SV2B: variants seen among roughly 807,000 people sequenced by gnomAD.
SV2B encodes the protein synaptic vesicle glycoprotein 2B.
SV2B carries 41 observed loss-of-function variants against 73.9 expected under a neutral mutation model. That is an observed-to-expected ratio of 0.56 (90% CI 0.43 to 0.72). SV2B has a LOEUF of 0.72. SV2B is among the 30% of genes least tolerant of loss of function. The pLI is 0.00. For missense variants in SV2B, 764 were observed against 857.8 expected, an observed-to-expected ratio of 0.89 and a Z score of 1.37; for synonymous variants, 314 against 314.2, an observed-to-expected ratio of 1.00 and a Z score of 0.01.
In SV2B at chr15:91,128,500, C is replaced by T. The variant is rs140156741; in HGVS notation, c.-392+28137C>T. 1.2e-3 allele frequency among the ~76,000 whole-genome samples: 182 copies of T among 152,260 alleles called. No individual in the cohort carries two copies. Among genetic ancestry groups the T allele is most frequent in the Middle Eastern group, 6.8e-3 (2 of 294 alleles). On this transcript the variant is annotated intron_variant, in intron 1 of 12. Coordinates refer to ENST00000394232, the MANE Select transcript of SV2B (RefSeq NM_001323032.3). This position sits in a 1 kb window ranked among gnomAD's most constrained non-coding sequence, Gnocchi z 4.2. ...TATCCAAAAATGAAGGCCTCAGAAG[C>T]GAAAGTGTTTTTCTCCTCCCCGTCT... is the stretch of plus-strand genomic sequence containing the variant.
chr15:91,204,142 T>C (rs1043517002), intron 1 of SV2B, among the ~76,000 whole-genome samples: 2 of 152,200 alleles, frequency 1.3e-5, no homozygotes, highest in African/African-American at 4.8e-5. Context: ...CTGGCTCTGG[T>C]AGGGCGTGCG....
rs2046167152 is a variant in SV2B at position 91,220,152 on chromosome 15, G to T, written c.-391-5721G>T. The stretch of plus-strand genomic sequence containing the variant: ...TCAGAATGGAACTGCTGGGTTATTT[G>T]GTAAGTGTATGTTTGACATTTTAAG... On this transcript the variant is annotated intron_variant, in intron 1 of 12. Transcript: ENST00000394232. This position sits in a 1 kb window ranked among gnomAD's most constrained non-coding sequence, Gnocchi z 4.1. Among the ~76,000 whole-genome samples, 1 of 152,172 alleles carries T rather than the reference G, an allele frequency of 6.6e-6. No individual in the cohort carries two copies. The highest frequency in any genetic ancestry group is 2.4e-5 in the African/African-American group (1 of 41,446).
At chr15:91,194,287 C>T (rs2045159584) in intron 1 of SV2B, among the ~76,000 whole-genome samples, 1 of 152,018 alleles carries the variant, frequency 6.6e-6, no homozygotes, top group Admixed American at 6.5e-5. Context: ...TCGGCTCTGC[C>T]CTGTAAAGGT....
intron 1 of SV2B, among the ~76,000 whole-genome samples, chr15:91,179,610 G>T (rs892322887): frequency 1.4e-4 from 21 of 152,070 alleles, no homozygotes; most frequent in South Asian, 2.1e-4. Context: ...AGGATAGTTA[G>T]CTCTTCTTGT....
Position 91,275,103 on chromosome 15 carries a change from G to A in SV2B, c.1373+6498G>A, listed in dbSNP as rs147468174. On this transcript the variant is annotated intron_variant, in intron 9 of 12. Transcript: ENST00000394232. ...ACTGACTCTCTTTATTTTTAAATCCGTGTGTATAGAACATTTATACTTATT... is the reference window on the plus strand; with the variant it reads ...ACTGACTCTCTTTATTTTTAAATCCATGTGTATAGAACATTTATACTTATT... 6.5e-3 allele frequency among the ~76,000 whole-genome samples: 983 copies of A among 151,906 alleles called. 9 individuals are homozygous for A. Among genetic ancestry groups the A allele is most frequent in the African/African-American group, 0.021 (870 of 41,420 alleles).
rs1419911222 is a variant in SV2B, at chr15:91,245,486, T to C, written c.452-6333T>C. ...CAGCTGTCTCTGAGTGGTGGTATGA[T>C]GAATAGATTATTGCTTTACCTTTTA... is the stretch of plus-strand genomic sequence containing the variant. On this transcript the variant is annotated intron_variant, in intron 2 of 12. Transcript: ENST00000394232. This position sits in a 1 kb window ranked among gnomAD's most constrained non-coding sequence, Gnocchi z 4.2. Among the ~76,000 whole-genome samples, 1 of 152,226 alleles carries C rather than the reference T, an allele frequency of 6.6e-6. No homozygotes were observed. Among genetic ancestry groups the C allele is most frequent in the African/African-American group, 2.4e-5 (1 of 41,468 alleles).
At position 91,209,107 on chromosome 15, in the gene SV2B, G is replaced by GTTTTTTTTTTTTTTTTTTTTTTT. The variant is rs1362781398; in HGVS notation, c.-391-16760_-391-16759insTTTTTTTTTTTTTTTTTTTTTTT. Among the ~76,000 whole-genome samples, 4 of 121,952 alleles carry GTTTTTTTTTTTTTTTTTTTTTTT rather than the reference G, an allele frequency of 3.3e-5. 1 individual carries two copies. Among genetic ancestry groups the GTTTTTTTTTTTTTTTTTTTTTTT allele is most frequent in the African/African-American group, 1.5e-4 (4 of 27,306 alleles). The allele number at this position is 121,952 out of a possible 152,430, so 80.0% of individuals were successfully genotyped here. ...TACAATGAGTGACTGTGGCAGTACT[G>GTTTTTTTTTTTTTTTTTTTTTTT]TTTTTTGTTTTTTTTTTTTTTTTTT... On this transcript the variant is annotated intron_variant, in intron 1 of 12. Coordinates refer to ENST00000394232, the MANE Select transcript of SV2B (RefSeq NM_001323032.3).
At chr15:91,235,904 G>A (rs3784774) in intron 2 of SV2B, among the ~76,000 whole-genome samples, 5 of 152,012 alleles carry the variant, frequency 3.3e-5, no homozygotes, top group Admixed American at 6.6e-5. Flanking sequence ...GAGATAGAGA[G>A]GGGGAGAGAG....
rs2042543783 is a variant in SV2B at position 91,128,269 on chromosome 15, A to T, written c.-392+27906A>T. 6.6e-6 allele frequency among the ~76,000 whole-genome samples: 1 copy of T among 152,116 alleles called. No individual in the cohort carries two copies. Among genetic ancestry groups the T allele is most frequent in the Non-Finnish European group, 1.5e-5 (1 of 68,014 alleles). The stretch of plus-strand genomic sequence containing the variant: ...AGAGGCTGTTCTCCAAGAAGGTGGG[A>T]TGGGAGAGCAGGAGGAGGTGTCAGA... On this transcript the variant is annotated intron_variant, in intron 1 of 12. Transcript: ENST00000394232. The surrounding 1 kb of genome is among the most constrained non-coding windows in gnomAD (Gnocchi z 4.2).
chr15:91,240,384 TG>T lies in SV2B; in HGVS notation c.452-11433del, dbSNP rs1352176369. On this transcript the variant is annotated intron_variant, in intron 2 of 12. Transcript: ENST00000394232. The surrounding 1 kb of genome is among the most constrained non-coding windows in gnomAD (Gnocchi z 4.6). Reference sequence around the variant, plus strand: ...CAGTAAGGATCCAGTAAATATGAGCTGGTATTTGTATATTTTTAACTTTTCA... The same window carrying T: ...CAGTAAGGATCCAGTAAATATGAGCTGTATTTGTATATTTTTAACTTTTCA... Among the ~76,000 whole-genome samples the T allele has an allele frequency of 6.6e-6, 1 of 151,944 alleles. No homozygotes were observed. The highest frequency in any genetic ancestry group is 1.5e-5 in the Non-Finnish European group (1 of 68,034).
At chr15:91,179,213 T>G (rs1401666632) in intron 1 of SV2B, among the ~76,000 whole-genome samples, 5 of 152,262 alleles carry the variant, frequency 3.3e-5, no homozygotes, top group Admixed American at 2.0e-4. Flanking sequence ...TTGAGTGAGT[T>G]TCTTAATCCT....
In SV2B at chr15:91,205,588, A is replaced by G. The variant is rs74855951; in HGVS notation, c.-391-20285A>G. 3.1e-3 allele frequency among the ~76,000 whole-genome samples: 466 copies of G among 151,998 alleles called. 4 individuals are homozygous for G. The highest frequency in any genetic ancestry group is 0.01 in the African/African-American group (424 of 41,410). On this transcript the variant is annotated intron_variant, in intron 1 of 12. Coordinates refer to ENST00000394232, the MANE Select transcript of SV2B (RefSeq NM_001323032.3). ...ATCATGTTGGCCAGACTGGTCTCGAACTCTTGATATCAAGTGATCCACCCA... is the reference window on the plus strand; with the variant it reads ...ATCATGTTGGCCAGACTGGTCTCGAGCTCTTGATATCAAGTGATCCACCCA...
At chr15:91,167,464 C>T (rs1024020843) in intron 1 of SV2B, among the ~76,000 whole-genome samples, 1 of 152,168 alleles carries the variant, frequency 6.6e-6, no homozygotes, top group East Asian at 1.9e-4. Flanking sequence ...AGAGAGAATA[C>T]ATTTCTTGTC....
intron 12 of SV2B, among the ~76,000 whole-genome samples, chr15:91,291,230 G>GT (rs1555498075): frequency 1.3e-5 from 2 of 150,582 alleles, no homozygotes; most frequent in Non-Finnish European, 3.0e-5. Context: ...AATTCAACAA[G>GT]TTTTTTTTCC....
At chr15:91,274,080 A>T (rs1197479317) in intron 9 of SV2B, among the ~76,000 whole-genome samples, 1 of 152,202 alleles carries the variant, frequency 6.6e-6, no homozygotes, top group Non-Finnish European at 1.5e-5. Context: ...AAATTTTTAT[A>T]TGCATATTTC....
chr15:91,269,125 T>C (rs549766233), intron 9 of SV2B, among the ~76,000 whole-genome samples: 1 of 151,542 alleles, frequency 6.6e-6, no homozygotes, highest in South Asian at 2.1e-4. Context: ...AAAAAATCAG[T>C]GGAGGATTAG....
chr15:91,265,794 C>T lies in SV2B; in HGVS notation c.1009-788C>T, dbSNP rs1209484194. 1.3e-5 allele frequency among the ~76,000 whole-genome samples: 2 copies of T among 152,236 alleles called. No individual in the cohort carries two copies. The highest frequency in any genetic ancestry group is 2.4e-5 in the African/African-American group (1 of 41,452). On this transcript the variant is annotated intron_variant, in intron 6 of 12. Coordinates refer to ENST00000394232, the MANE Select transcript of SV2B (RefSeq NM_001323032.3). The surrounding 1 kb of genome is among the most constrained non-coding windows in gnomAD (Gnocchi z 4.2). ...CAGTGTGGTCATGTCCTTGACATTT[C>T]TGGGAAGAGAGCCTATGCCTTTAGC... is the stretch of plus-strand genomic sequence containing the variant.
At chr15:91,179,501 T>C (rs1016396758) in intron 1 of SV2B, among the ~76,000 whole-genome samples, 3 of 152,164 alleles carry the variant, frequency 2.0e-5, no homozygotes, top group Non-Finnish European at 4.4e-5. Context: ...GCTGTTAAAG[T>C]TTCCCATTAT....
chr15:91,231,235 G>A lies in SV2B; in HGVS notation c.451+4521G>A, dbSNP rs2046561888. On this transcript the variant is annotated intron_variant, in intron 2 of 12. Transcript: ENST00000394232. The surrounding 1 kb of genome is among the most constrained non-coding windows in gnomAD (Gnocchi z 4.5). Reference sequence around the variant, plus strand: ...ACAACGGATTGCCATGTTTAGGAGTGCGGACTTGATTCCACTGGTAGTGGA... The same window carrying A: ...ACAACGGATTGCCATGTTTAGGAGTACGGACTTGATTCCACTGGTAGTGGA... Among the ~76,000 whole-genome samples, 1 of 152,144 alleles carries A rather than the reference G, an allele frequency of 6.6e-6. No individual in the cohort carries two copies. The highest frequency in any genetic ancestry group is 2.1e-4 in the South Asian group (1 of 4,826).
Sources: allele counts gnomAD v4.1 joint callset (sites outside exome capture counted in the v4.1 genomes callset), GRCh38; gene constraint gnomAD v4.1.1; non-coding constraint Gnocchi (gnomAD v3.1); transcripts MANE v1.5; gene names NCBI Gene and HGNC (gene_info 2026-07-23, HGNC 2026-07-21).